MYO5B: variants seen among roughly 807,000 people sequenced by gnomAD.
The protein encoded by MYO5B is myosin VB.
Under a neutral mutation model 229.3 loss-of-function variants are expected in MYO5B, and 143 were observed. The observed-to-expected ratio is 0.62, with a 90% CI of 0.54 to 0.72. The LOEUF is 0.72. Among genes scored for constraint, MYO5B ranks in the 30% least tolerant of loss-of-function variants. The pLI, the probability that MYO5B is intolerant of heterozygous loss-of-function variation, is 0.00. For missense variants in MYO5B, 2,321 were observed against 2,331.0 expected (o/e 1.00, Z 0.09); for synonymous variants, 918 against 885.2 (o/e 1.04, Z -0.66).
intron 39 of MYO5B, among the ~76,000 whole-genome samples, chr18:49,828,122 G>A (rs1345504174): frequency 6.6e-6 from 1 of 152,140 alleles, no homozygotes; most frequent in Middle Eastern, 3.2e-3. Flanking sequence ...ATCTGTGGTT[G>A]GCTGAATCTG....
At position 49,889,735 on chromosome 18, in the gene MYO5B, C is replaced by G. The variant is rs1787306; in HGVS notation, c.3045+5206G>C. 2.5e-4 allele frequency among the ~76,000 whole-genome samples: 38 copies of G among 152,110 alleles called. 1 individual carries two copies. The East Asian group carries it at 7.2e-3, about 29-fold the overall frequency. On this transcript the variant is annotated intron_variant, in intron 22 of 39. Coordinates refer to ENST00000285039, the MANE Select transcript of MYO5B (RefSeq NM_001080467.3). ...AACATGCCATCTGACCAGCACAGAGCGCATGACATCATCACCAAGTGGGTC... is the reference window on the plus strand; with the variant it reads ...AACATGCCATCTGACCAGCACAGAGGGCATGACATCATCACCAAGTGGGTC...
intron 22 of MYO5B, among the ~76,000 whole-genome samples, chr18:49,891,070 G>T (rs1347264676): frequency 6.6e-6 from 1 of 152,128 alleles, no homozygotes; most frequent in African/African-American, 2.4e-5. Context: ...CTTGAAGTCA[G>T]AAGATCCTTC....
chr18:50,104,288 A>ATATATC (rs1031683380), intron 1 of MYO5B, among the ~76,000 whole-genome samples: 3 of 144,766 alleles, frequency 2.1e-5, no homozygotes, highest in East Asian at 2.0e-4. Context: ...ATATATATAT[A>ATATATC]TATCTCATAA....
intron 8 of MYO5B, 86 bp from the exon 9 acceptor site, chr18:49,980,639 T>C: frequency 1.0e-6 from 1 of 969,518 alleles, no homozygotes; most frequent in South Asian, 1.4e-5. Context: ...CATTTTTTTT[T>C]TTAATAAGGT....
Position 49,934,086 on chromosome 18 carries a change from G to A in MYO5B, c.2003+2166C>T, listed in dbSNP as rs191645630. 2.0e-5 allele frequency among the ~76,000 whole-genome samples: 3 copies of A among 152,242 alleles called. No homozygotes were observed. The East Asian group carries it at 5.8e-4, about 29-fold the overall frequency. ...AGGTTGGGTCTCGCTATATTTCCCAGGCCGCTCTCAAACTCCTTGCCTCAA... is the reference window on the plus strand; with the variant it reads ...AGGTTGGGTCTCGCTATATTTCCCAAGCCGCTCTCAAACTCCTTGCCTCAA... On this transcript the variant is annotated intron_variant, in intron 16 of 39. Coordinates refer to ENST00000285039, the MANE Select transcript of MYO5B (RefSeq NM_001080467.3).
At chr18:49,933,888 T>G (rs976417036) in intron 16 of MYO5B, among the ~76,000 whole-genome samples, 7 of 152,202 alleles carry the variant, frequency 4.6e-5, no homozygotes, top group Admixed American at 1.3e-4. Flanking sequence ...TTATTTTTAT[T>G]TTTTTGAGAG....
intron 10 of MYO5B, among the ~76,000 whole-genome samples, chr18:49,973,223 C>A (rs1743735465): frequency 6.6e-6 from 1 of 152,162 alleles, no homozygotes; most frequent in South Asian, 2.1e-4. Flanking sequence ...TCAGAAATCA[C>A]AAAGATTGTC....
At chr18:49,918,171 AT>A (rs1047742397) in intron 17 of MYO5B, among the ~76,000 whole-genome samples, 23 of 152,236 alleles carry the variant, frequency 1.5e-4, no homozygotes, top group African/African-American at 5.5e-4. Context: ...GGGTTTAACC[AT>A]CTGCACGTGC....
intron 17 of MYO5B, among the ~76,000 whole-genome samples, chr18:49,921,152 C>T (rs954685093): frequency 1.3e-5 from 2 of 151,710 alleles, no homozygotes; most frequent in African/African-American, 4.8e-5. Context: ...CTTCACAGGA[C>T]TGGGGAGAAG....
At chr18:49,984,672 G>T in intron 8 of MYO5B, 46 bp downstream of exon 8, 1 of 1,423,394 alleles carries the variant, frequency 7.0e-7, no homozygotes, top group Non-Finnish European at 9.9e-7. Context: ...TACCCTCCGT[G>T]CCATCAGCCC....
At chr18:50,194,717 C>T (rs1004657343) in intron 1 of MYO5B, 50 bp downstream of exon 1, 2 of 1,365,368 alleles carry the variant, frequency 1.5e-6, no homozygotes, top group Non-Finnish European at 2.0e-6. Context: ...CTAGGTGGCC[C>T]CGAGCGCGCC....
chr18:49,889,727 GCA>G lies in MYO5B; in HGVS notation c.3045+5212_3045+5213del. 2.0e-5 allele frequency among the ~76,000 whole-genome samples: 3 copies of G among 152,322 alleles called. No individual in the cohort carries two copies. In the Middle Eastern group the frequency reaches 0.01, roughly 518 times the overall value. On this transcript the variant is annotated intron_variant, in intron 22 of 39. Coordinates refer to ENST00000285039, the MANE Select transcript of MYO5B (RefSeq NM_001080467.3). The stretch of plus-strand genomic sequence containing the variant: ...TGAAATGGAACATGCCATCTGACCA[GCA>G]CAGAGCGCATGACATCATCACCAAG...
At chr18:50,025,190 C>T (rs1243234171) in intron 4 of MYO5B, among the ~76,000 whole-genome samples, 1 of 152,218 alleles carries the variant, frequency 6.6e-6, no homozygotes, top group Non-Finnish European at 1.5e-5. Flanking sequence ...GGGAAGTTCT[C>T]ACTTCCCTAA....
At chr18:50,090,067 G>C (rs1406102692) in intron 1 of MYO5B, among the ~76,000 whole-genome samples, 1 of 152,108 alleles carries the variant, frequency 6.6e-6, no homozygotes, top group Non-Finnish European at 1.5e-5. Context: ...CTCGGCTTTG[G>C]AGCCCCACTC....
chr18:49,899,919 C>A (rs955777647), intron 21 of MYO5B, among the ~76,000 whole-genome samples: 1 of 104,872 alleles, frequency 9.5e-6, no homozygotes, highest in Non-Finnish European at 2.0e-5. Flanking sequence ...AGGCAAAAAG[C>A]TTTTTTTATT....
chr18:49,940,971 G>T (rs1331954665), intron 14 of MYO5B, among the ~76,000 whole-genome samples: 1 of 152,138 alleles, frequency 6.6e-6, no homozygotes, highest in Non-Finnish European at 1.5e-5. Flanking sequence ...TTATTACAAA[G>T]TTCATACATC....
At chr18:49,863,159 A>G (rs2024351565) in intron 29 of MYO5B, 68 bp downstream of exon 29, 1 of 1,252,706 alleles carries the variant, frequency 8.0e-7, no homozygotes, top group African/African-American at 1.5e-5. Flanking sequence ...GAAAACCCCA[A>G]ACAGACTCGT....
intron 33 of MYO5B, among the ~76,000 whole-genome samples, chr18:49,844,075 C>T (rs1428170696): frequency 6.6e-6 from 1 of 152,234 alleles, no homozygotes; most frequent in Non-Finnish European, 1.5e-5. Flanking sequence ...TCCCACACTC[C>T]TGTCCCTGCC....
At chr18:49,857,663 A>G (rs1425157034) in intron 29 of MYO5B, among the ~76,000 whole-genome samples, 1 of 152,198 alleles carries the variant, frequency 6.6e-6, no homozygotes, top group African/African-American at 2.4e-5. Context: ...AATTTGGGAA[A>G]GCAGAACTCT....
Sources: allele counts gnomAD v4.1 joint callset (sites outside exome capture counted in the v4.1 genomes callset), GRCh38; gene constraint gnomAD v4.1.1; transcripts MANE v1.5; gene names NCBI Gene and HGNC (gene_info 2026-07-23, HGNC 2026-07-21).